The following RWDD3 variants were observed in gnomAD, a reference collection of about 807,000 sequenced individuals.
RWDD3 encodes the protein RWD domain containing 3, also known as RWD domain-containing protein 3.
In RWDD3, 30 loss-of-function variants were observed where a neutral mutation model predicts 26.5. The observed-to-expected ratio is 1.13, with a 90% CI of 0.85 to 1.54. The LOEUF (loss-of-function observed/expected upper bound fraction) is 1.54. Among genes scored for constraint, RWDD3 ranks in the 40% most tolerant of loss-of-function variants. RWDD3 has a pLI of 0.00. For synonymous variants in RWDD3, 113 were observed against 114.5 expected (o/e 0.99, Z 0.09); for missense variants, 296 against 309.1 (o/e 0.96, Z 0.32).
chr1:95,246,711 C>A, intron 3 of RWDD3, 45 bp from the exon 4 acceptor site: 1 of 1,531,962 alleles, frequency 6.5e-7, no homozygotes, highest in South Asian at 1.2e-5. Flanking sequence ...TAATTATACT[C>A]TGACAAATCT....
Position 95,244,393 on chromosome 1 carries a change from C to T in RWDD3, c.268C>T (p.Gln90Ter). The change falls in exon 2 of 4, where the codon CAA becomes TAA. Residue 90 changes from glutamine to a stop codon, truncating the protein, a stop_gained. Transcript: ENST00000370202. LOFTEE classifies it high-confidence loss of function. ...CVTVKENLLE[Q>*]AESLLSEPMV... Reference sequence around the variant, plus strand: ...GACTGTGAAAGAGAATTTACTTGAGCAAGCAGAGAGCCTTTTGTCGGAGCC... The same window carrying T: ...GACTGTGAAAGAGAATTTACTTGAGTAAGCAGAGAGCCTTTTGTCGGAGCC... 25 of 1,614,162 alleles carry T rather than the reference C, an allele frequency of 1.5e-5. No individual in the cohort carries two copies. Among genetic ancestry groups the T allele is most frequent in the Non-Finnish European group, 2.0e-5 (24 of 1,180,032 alleles).
chr1:95,243,038 T>C (rs1372780700), intron 1 of RWDD3: 1 of 152,182 alleles, frequency 6.6e-6, no homozygotes, highest in East Asian at 1.9e-4. Flanking sequence ...CACATATAAA[T>C]TGTATCATTT....
intron 1 of RWDD3, among the ~76,000 whole-genome samples, chr1:95,241,417 T>C (rs937411917): frequency 1.3e-5 from 2 of 152,148 alleles, no homozygotes; most frequent in African/African-American, 4.8e-5. Flanking sequence ...GTCTTTGTTA[T>C]AGCTGAGGGG....
intron 1 of RWDD3, among the ~76,000 whole-genome samples, chr1:95,241,945 T>A (rs935792618): frequency 6.6e-6 from 1 of 152,084 alleles, no homozygotes; most frequent in Non-Finnish European, 1.5e-5. Flanking sequence ...ACAAGCTATT[T>A]AGGTAAACTC....
intron 1 of RWDD3, among the ~76,000 whole-genome samples, chr1:95,241,226 C>T (rs1013945210): frequency 6.6e-6 from 1 of 152,072 alleles, no homozygotes; most frequent in African/African-American, 2.4e-5. Flanking sequence ...GTTCCTTGGT[C>T]ACTAACACAC....
rs771881385 is a variant in RWDD3 at position 95,240,018 on chromosome 1, A to T, written c.86-4193A>T. On this transcript the variant is annotated intron_variant, in intron 1 of 3. Transcript: ENST00000370202. ...TAGCATCTTGCTTCAGTGCGGATAC[A>T]TTGCCTTCTTTTGTAGTAAAATCTC... is the stretch of plus-strand genomic sequence containing the variant. 30 of 1,006,026 alleles carry T rather than the reference A, an allele frequency of 3.0e-5. 2 individuals carry two copies. The South Asian group carries it at 4.2e-4, about 14-fold the overall frequency. The allele number at this position is 1,006,026 out of a possible 1,614,324, so 62.3% of individuals were successfully genotyped here. A position where few individuals can be genotyped will look rare whatever the true frequency, so the allele number is the denominator to read the frequency against.
intron 1 of RWDD3, among the ~76,000 whole-genome samples, chr1:95,241,645 T>C (rs1239302677): frequency 2.0e-5 from 3 of 152,194 alleles, no homozygotes; most frequent in Non-Finnish European, 1.5e-5. Flanking sequence ...AAATGCCAGA[T>C]TGTGGGCATC....
At chr1:95,238,513 T>TG (rs1680463832) in intron 1 of RWDD3, among the ~76,000 whole-genome samples, 1 of 151,722 alleles carries the variant, frequency 6.6e-6, no homozygotes, top group African/African-American at 2.4e-5. Context: ...GGGAGCTGCC[T>TG]GGGAGCAAGA....
Position 95,246,753 on chromosome 1 carries a change from C to A in RWDD3, c.690-3C>A. 1 of 1,552,442 alleles carries A rather than the reference C, an allele frequency of 6.4e-7. No individual in the cohort carries two copies. The highest frequency in any genetic ancestry group is 8.7e-7 in the Non-Finnish European group (1 of 1,150,134). ...ATTCATGAGTTTCTTTTGTATAATGCAGGTTTCTGGCATTTGAAGTCAAAG... is the reference window on the plus strand; with the variant it reads ...ATTCATGAGTTTCTTTTGTATAATGAAGGTTTCTGGCATTTGAAGTCAAAG... On this transcript the variant is annotated splice_region_variant and splice_polypyrimidine_tract_variant and intron_variant, in intron 3 of 3. Transcript: ENST00000370202.
In RWDD3 at chr1:95,240,168, G is replaced by A. The variant is rs116250458; in HGVS notation, c.86-4043G>A. On this transcript the variant is annotated intron_variant, in intron 1 of 3. Transcript: ENST00000370202. ...GCAGAGGCTCTCTTGCCATGTGAGG[G>A]AGCGTATTCACAGCTTCTGGGAAAC... Among the ~76,000 whole-genome samples the A allele has an allele frequency of 9.7e-3, 1,474 of 152,230 alleles. 13 individuals carry two copies. The highest frequency in any genetic ancestry group is 0.042 in the South Asian group (203 of 4,826).
At chr1:95,236,669 A>G (rs1680374610) in intron 1 of RWDD3, among the ~76,000 whole-genome samples, 1 of 152,016 alleles carries the variant, frequency 6.6e-6, no homozygotes, top group Non-Finnish European at 1.5e-5. Context: ...ATTCTTCACC[A>G]TCTCCCTCTC....
At chr1:95,243,500 A>G (rs1680719013) in intron 1 of RWDD3, 1 of 152,278 alleles carries the variant, frequency 6.6e-6, no homozygotes, top group African/African-American at 2.4e-5. Context: ...GGTGTGGAAC[A>G]CATCAGAGGG....
At chr1:95,238,582 T>C (rs1680467175) in intron 1 of RWDD3, among the ~76,000 whole-genome samples, 1 of 148,446 alleles carries the variant, frequency 6.7e-6, no homozygotes. Context: ...GGTGGTTTTC[T>C]TCAAAGTTGT....
At chr1:95,240,511 A>G (rs1680570365) in intron 1 of RWDD3, among the ~76,000 whole-genome samples, 1 of 152,206 alleles carries the variant, frequency 6.6e-6, no homozygotes, top group Non-Finnish European at 1.5e-5. Context: ...TTTAGTAGAC[A>G]GAAAGTTAAG....
chr1:95,244,040 G>T (rs532135962), intron 1 of RWDD3, among the ~76,000 whole-genome samples, 171 bp from the exon 2 acceptor site: 3 of 152,262 alleles, frequency 2.0e-5, no homozygotes, highest in Non-Finnish European at 4.4e-5. Context: ...TATGGTTGAA[G>T]GAAATAATTT....
At chr1:95,245,693 A>G (rs1444585785) in intron 2 of RWDD3, among the ~76,000 whole-genome samples, 1 of 152,190 alleles carries the variant, frequency 6.6e-6, no homozygotes, top group Non-Finnish European at 1.5e-5. Flanking sequence ...GATTTGTAGT[A>G]TATCTATAAC....
rs950245575 is a variant in RWDD3, at chr1:95,234,229, C to G, written c.-2C>G. The G allele has an allele frequency of 1.9e-6, 3 of 1,584,636 alleles. No homozygotes were observed. The Admixed American group carries it at 5.3e-5, about 28-fold the overall frequency. Reference sequence around the variant, plus strand: ...AGCGCTGAGGCGGTGGGGCCCACAGCCATGGCGGAGCCTGTGCAGGAGGAG... The same window carrying G: ...AGCGCTGAGGCGGTGGGGCCCACAGGCATGGCGGAGCCTGTGCAGGAGGAG... On this transcript the variant is annotated 5_prime_UTR_variant, in exon 1 of 4. Transcript: ENST00000370202.
Position 95,244,320 on chromosome 1 carries a change from A to C in RWDD3, c.195A>C (p.Leu65=). The C allele has an allele frequency of 6.2e-7, 1 of 1,614,204 alleles. No individual in the cohort carries two copies. Among genetic ancestry groups the C allele is most frequent in the Middle Eastern group, 1.6e-4 (1 of 6,062 alleles). Residue 65 remains leucine, a synonymous_variant, in exon 2 of 4, where the codon CTA becomes CTC. Coordinates refer to ENST00000370202, the MANE Select transcript of RWDD3 (RefSeq NM_015485.5). The part of the protein sequence containing the change: ...FHLPVNYPSC[L]PGISINSEQL... The stretch of plus-strand genomic sequence containing the variant: ...TGCCAGTCAATTATCCTTCATGTCT[A>C]CCTGGTATCTCGATTAACTCTGAAC...
Position 95,246,894 on chromosome 1 carries a change from T to A in RWDD3, c.*24T>A. 7.4e-7 allele frequency: 1 copy of A among 1,359,096 alleles called. No homozygotes were observed. Among genetic ancestry groups the A allele is most frequent in the Non-Finnish European group, 1.0e-6 (1 of 1,001,392 alleles). The allele number at this position is 1,359,096 out of a possible 1,614,324, so 84.2% of individuals were successfully genotyped here. On this transcript the variant is annotated 3_prime_UTR_variant, in exon 4 of 4. Transcript: ENST00000370202. The stretch of plus-strand genomic sequence containing the variant: ...GAAATGGAAGACAGGAATCTTTTAG[T>A]AAAATAGCAGTGTTTTTTGTTGTTT...
Sources: allele counts gnomAD v4.1 joint callset (sites outside exome capture counted in the v4.1 genomes callset), GRCh38; gene constraint gnomAD v4.1.1; transcripts MANE v1.5; gene names NCBI Gene and HGNC (gene_info 2026-07-23, HGNC 2026-07-21).